The following BMPER variants were observed in gnomAD, a reference collection of about 807,000 sequenced individuals.
The protein encoded by BMPER is BMP-binding endothelial regulator protein.
A neutral mutation model predicts 87.3 loss-of-function variants in BMPER; 45 were observed. The ratio of observed to expected loss-of-function variants is 0.52; its 90% CI spans 0.41 to 0.66. BMPER has a LOEUF of 0.66. BMPER is among the 30% of genes least tolerant of loss of function. The pLI is 0.00. For missense variants in BMPER, 784 were observed against 867.5 expected (o/e 0.90, Z 1.21); for synonymous variants, 326 against 316.2 (o/e 1.03, Z -0.33).
intron 11 of BMPER, among the ~76,000 whole-genome samples, chr7:34,076,877 G>A (rs1585806534): frequency 6.6e-6 from 1 of 152,046 alleles, no homozygotes; most frequent in Admixed American, 6.6e-5. Context: ...AACCTTAGGA[G>A]GTACCTTGGC....
At chr7:34,059,201 C>A (rs575619178) in intron 10 of BMPER, among the ~76,000 whole-genome samples, 1 of 152,128 alleles carries the variant, frequency 6.6e-6, no homozygotes. Flanking sequence ...CGGGAACCCT[C>A]GCTGCTAATG....
intron 6 of BMPER, among the ~76,000 whole-genome samples, chr7:34,037,213 A>G (rs1177477099): frequency 1.3e-5 from 2 of 152,180 alleles, no homozygotes; most frequent in African/African-American, 4.8e-5. Flanking sequence ...AAACAAACAA[A>G]CAAAAAAGGG....
chr7:33,946,148 G>C (rs572915664), intron 3 of BMPER, among the ~76,000 whole-genome samples: 14 of 152,190 alleles, frequency 9.2e-5, no homozygotes, highest in Admixed American at 2.0e-4. Context: ...GTAGGAGAGA[G>C]AATGAGAGCC....
intron 5 of BMPER, among the ~76,000 whole-genome samples, chr7:33,972,242 C>T (rs1785568830): frequency 6.6e-6 from 1 of 152,072 alleles, no homozygotes; most frequent in Non-Finnish European, 1.5e-5. Context: ...TCAGAGCTGC[C>T]CTCTCCTCAT....
intron 6 of BMPER, chr7:34,042,927 G>A (rs1787869443): frequency 6.6e-6 from 1 of 152,194 alleles, no homozygotes; most frequent in Non-Finnish European, 1.5e-5. Context: ...ATAGAAAGAT[G>A]GAGGAGGTTA....
At chr7:34,108,143 G>A (rs371573278) in intron 13 of BMPER, among the ~76,000 whole-genome samples, 4 of 152,292 alleles carry the variant, frequency 2.6e-5, no homozygotes, top group African/African-American at 9.6e-5. Flanking sequence ...ACCAGTGAGA[G>A]GCCTGCATTG....
rs547661863 is a variant in BMPER at position 34,065,715 on chromosome 7, A to G, written c.1078+3668A>G. On this transcript the variant is annotated intron_variant, in intron 11 of 14. Coordinates refer to ENST00000649409, the MANE Select transcript of BMPER (RefSeq NM_001365308.1). Reference sequence around the variant, plus strand: ...TCTTGAATGATTAAAAAAAGTTGCTATCTTTGCTTTTGTTGCTAGGAAGCT... The same window carrying G: ...TCTTGAATGATTAAAAAAAGTTGCTGTCTTTGCTTTTGTTGCTAGGAAGCT... Among the ~76,000 whole-genome samples the G allele has an allele frequency of 3.3e-5, 5 of 152,332 alleles. No homozygotes were observed. The South Asian group carries it at 6.2e-4, about 19-fold the overall frequency.
At chr7:33,916,301 A>G (rs536465530) in intron 2 of BMPER, among the ~76,000 whole-genome samples, 1 of 152,342 alleles carries the variant, frequency 6.6e-6, no homozygotes, top group Non-Finnish European at 1.5e-5. Flanking sequence ...TTTACAAACA[A>G]CGAATCAGAG....
intron 13 of BMPER, among the ~76,000 whole-genome samples, chr7:34,134,460 G>C (rs1004177178): frequency 6.6e-5 from 10 of 152,076 alleles, no homozygotes; most frequent in African/African-American, 2.4e-4. Flanking sequence ...TGCTAGGATG[G>C]GGCCCAAAGT....
At chr7:34,008,158 A>T (rs929348158) in intron 6 of BMPER, among the ~76,000 whole-genome samples, 4 of 152,028 alleles carry the variant, frequency 2.6e-5, no homozygotes, top group African/African-American at 9.7e-5. Flanking sequence ...TCAAAATGAG[A>T]ACTAATGAAA....
intron 13 of BMPER, among the ~76,000 whole-genome samples, chr7:34,115,971 C>T (rs1790107832): frequency 2.0e-5 from 3 of 152,142 alleles, no homozygotes; most frequent in African/African-American, 7.2e-5. Context: ...CACATCCTTG[C>T]CAACACTCTG....
At chr7:34,034,179 C>T (rs542243824) in intron 6 of BMPER, among the ~76,000 whole-genome samples, 5 of 152,286 alleles carry the variant, frequency 3.3e-5, no homozygotes, top group Admixed American at 2.6e-4. Flanking sequence ...TGCTTCTGAA[C>T]CTGGCCTAAT....
intron 13 of BMPER, among the ~76,000 whole-genome samples, chr7:34,126,333 GC>G (rs1391632244): frequency 6.6e-6 from 1 of 152,214 alleles, no homozygotes; most frequent in Non-Finnish European, 1.5e-5. Context: ...GAAGAGCGTA[GC>G]TCATCTGGGG....
At chr7:33,973,027 A>G (rs2128619326) in intron 5 of BMPER, among the ~76,000 whole-genome samples, 1 of 152,260 alleles carries the variant, frequency 6.6e-6, no homozygotes, top group South Asian at 2.1e-4. Flanking sequence ...AATGACAAAC[A>G]CGTAGTCTGT....
At chr7:34,074,437 A>C (rs1193069161) in intron 11 of BMPER, among the ~76,000 whole-genome samples, 1 of 152,186 alleles carries the variant, frequency 6.6e-6, no homozygotes, top group Non-Finnish European at 1.5e-5. Flanking sequence ...GCCTCTTTCT[A>C]TCAGAGGCCT....
intron 3 of BMPER, among the ~76,000 whole-genome samples, chr7:33,958,579 C>G (rs1352098579): frequency 1.3e-5 from 2 of 152,216 alleles, no homozygotes; most frequent in Admixed American, 1.3e-4. Flanking sequence ...CCAGAGACAA[C>G]ATTTTTACTA....
intron 5 of BMPER, among the ~76,000 whole-genome samples, chr7:33,973,176 G>A (rs562586930): frequency 2.0e-5 from 3 of 152,212 alleles, no homozygotes; most frequent in African/African-American, 7.2e-5. Flanking sequence ...TCATTTAAGT[G>A]GTCAGGTGTA....
chr7:33,978,601 C>T (rs565437125), intron 6 of BMPER, among the ~76,000 whole-genome samples: 6 of 152,132 alleles, frequency 3.9e-5, no homozygotes, highest in Non-Finnish European at 7.3e-5. Flanking sequence ...TCCAGCCTGC[C>T]CCTCAAGTGG....
At position 33,936,655 on chromosome 7, in the gene BMPER, A is replaced by G. The variant is rs1261321987; in HGVS notation, c.220-634A>G. On this transcript the variant is annotated intron_variant, in intron 2 of 14. Coordinates refer to ENST00000649409, the MANE Select transcript of BMPER (RefSeq NM_001365308.1). ...TTAACAGCTAACCTTTCAGGAAAAA[A>G]CCAAAGATGCAAATGTTCACCACAT... Among the ~76,000 whole-genome samples the G allele has an allele frequency of 2.6e-5, 4 of 152,316 alleles. No individual in the cohort carries two copies. In the East Asian group the frequency reaches 7.7e-4, roughly 29 times the overall value.
Sources: allele counts gnomAD v4.1 joint callset (sites outside exome capture counted in the v4.1 genomes callset), GRCh38; gene constraint gnomAD v4.1.1; transcripts MANE v1.5; gene names NCBI Gene and HGNC (gene_info 2026-07-23, HGNC 2026-07-21).